Variants in KCNH7 observed in about 807,000 individuals in gnomAD.
The protein encoded by KCNH7 is voltage-gated inwardly rectifying potassium channel KCNH7.
In KCNH7, 49 loss-of-function variants were observed where a neutral mutation model predicts 120.8. That is an observed-to-expected ratio of 0.41 (90% CI 0.32 to 0.51). The LOEUF (loss-of-function observed/expected upper bound fraction) is 0.51. Among genes scored for constraint, KCNH7 ranks in the 20% least tolerant of loss-of-function variants. The pLI is 0.38. For missense variants in KCNH7, 1,097 were observed against 1,446.6 expected (o/e 0.76, Z 3.92); for synonymous variants, 547 against 516.1 (o/e 1.06, Z -0.81).
At chr2:162,647,616 G>A (rs1242782545) in intron 2 of KCNH7, among the ~76,000 whole-genome samples, 2 of 152,060 alleles carry the variant, frequency 1.3e-5, no homozygotes, top group East Asian at 3.9e-4. Flanking sequence ...AGATCTCATG[G>A]TTTTATAAAT....
At position 162,684,985 on chromosome 2, in the gene KCNH7, C is replaced by T. The variant is rs544833775; in HGVS notation, c.308-147905G>A. 2.6e-3 allele frequency among the ~76,000 whole-genome samples: 401 copies of T among 151,950 alleles called. 3 individuals carry two copies. Among genetic ancestry groups the T allele is most frequent in the African/African-American group, 9.1e-3 (376 of 41,452 alleles). ...AGTGATAGACTGGATAAAGAAAATG[C>T]GGCATATATATACCATGGAATACTA... On this transcript the variant is annotated intron_variant, in intron 2 of 15. Transcript: ENST00000332142.
rs137957744 is a variant in KCNH7 at position 162,667,903 on chromosome 2, A to T, written c.308-130823T>A. On this transcript the variant is annotated intron_variant, in intron 2 of 15. Coordinates refer to ENST00000332142, the MANE Select transcript of KCNH7 (RefSeq NM_033272.4). ...ACATGATATGTTAAATGCTTAAAACAGTGAGTAGAATGTTGTATATATTCA... is the reference window on the plus strand; with the variant it reads ...ACATGATATGTTAAATGCTTAAAACTGTGAGTAGAATGTTGTATATATTCA... Among the ~76,000 whole-genome samples the T allele has an allele frequency of 9.8e-5, 15 of 152,346 alleles. No homozygotes were observed. In the East Asian group the frequency reaches 1.9e-3, roughly 20 times the overall value.
At chr2:162,816,682 C>T (rs1328325801) in intron 2 of KCNH7, among the ~76,000 whole-genome samples, 4 of 152,044 alleles carry the variant, frequency 2.6e-5, no homozygotes, top group East Asian at 1.9e-4. Flanking sequence ...AATATGCCAA[C>T]GTGTAACAAT....
intron 8 of KCNH7, among the ~76,000 whole-genome samples, chr2:162,433,281 A>G (rs1688130462): frequency 6.6e-6 from 1 of 152,004 alleles, no homozygotes; most frequent in Non-Finnish European, 1.5e-5. Flanking sequence ...AAAAACGATT[A>G]TGAAATTTAT....
intron 2 of KCNH7, among the ~76,000 whole-genome samples, chr2:162,816,923 A>G (rs1684934664): frequency 6.6e-6 from 1 of 152,186 alleles, no homozygotes; most frequent in South Asian, 2.1e-4. Context: ...AATATTAAAT[A>G]CAAGCCAATT....
chr2:162,394,540 G>GTACT (rs1030836259), intron 11 of KCNH7, 55 bp from the exon 12 acceptor site: 23 of 972,808 alleles, frequency 2.4e-5, no homozygotes, highest in Admixed American at 1.8e-4. Flanking sequence ...AGAACACAAT[G>GTACT]TACTATTCAG....
At chr2:162,443,767 A>G (rs1430354826) in intron 7 of KCNH7, among the ~76,000 whole-genome samples, 1 of 151,964 alleles carries the variant, frequency 6.6e-6, no homozygotes, top group African/African-American at 2.4e-5. Flanking sequence ...TGTTCCAAAG[A>G]CTCCATTGCA....
intron 9 of KCNH7, among the ~76,000 whole-genome samples, chr2:162,405,544 T>G (rs959496567): frequency 6.6e-6 from 1 of 151,948 alleles, no homozygotes; most frequent in Non-Finnish European, 1.5e-5. Flanking sequence ...TTCTCTAAAA[T>G]GTATATGTGC....
chr2:162,569,437 T>C (rs1381727918), intron 2 of KCNH7, among the ~76,000 whole-genome samples: 4 of 143,894 alleles, frequency 2.8e-5, no homozygotes, highest in East Asian at 4.1e-4. Flanking sequence ...TTTATTAGTC[T>C]TGCTAGCGGT....
In KCNH7 at chr2:162,581,486, C is replaced by T. The variant is rs144439578; in HGVS notation, c.308-44406G>A. ...GTTACCAAGGTATTTGGGGCACATT[C>T]GTTTGGAGGTGAGAGCTTATTACCT... On this transcript the variant is annotated intron_variant, in intron 2 of 15. Coordinates refer to ENST00000332142, the MANE Select transcript of KCNH7 (RefSeq NM_033272.4). Among the ~76,000 whole-genome samples, 640 of 152,090 alleles carry T rather than the reference C, an allele frequency of 4.2e-3. 6 individuals are homozygous for T. The highest frequency in any genetic ancestry group is 0.015 in the African/African-American group (612 of 41,516).
intron 2 of KCNH7, among the ~76,000 whole-genome samples, chr2:162,747,597 C>T (rs1288847036): frequency 6.6e-6 from 1 of 152,038 alleles, no homozygotes; most frequent in Non-Finnish European, 1.5e-5. Context: ...ATATTCCACC[C>T]AATAGTCTAG....
chr2:162,828,371 G>C (rs569236306), intron 2 of KCNH7, among the ~76,000 whole-genome samples: 1 of 152,130 alleles, frequency 6.6e-6, no homozygotes, highest in East Asian at 1.9e-4. Flanking sequence ...ATCATCTTAA[G>C]TCATTGATAC....
At chr2:162,376,803 G>A (rs1308560612) in intron 14 of KCNH7, among the ~76,000 whole-genome samples, 1 of 152,174 alleles carries the variant, frequency 6.6e-6, no homozygotes, top group Non-Finnish European at 1.5e-5. Context: ...TGAAATGTGA[G>A]AAGCACTGGT....
chr2:162,541,813 C>A (rs1266793525), intron 2 of KCNH7, among the ~76,000 whole-genome samples: 1 of 152,070 alleles, frequency 6.6e-6, no homozygotes, highest in Non-Finnish European at 1.5e-5. Flanking sequence ...GTGTAACAAA[C>A]CTGCACATTC....
chr2:162,517,712 A>C lies in KCNH7; in HGVS notation c.892+18T>G, dbSNP rs760446285. On this transcript the variant is annotated intron_variant, in intron 4 of 15. Coordinates refer to ENST00000332142, the MANE Select transcript of KCNH7 (RefSeq NM_033272.4). ...ACCCATTAATATATGTTTCCATTTAAAAAAAAATCAAACATACCTTCGCTG... is the reference window on the plus strand; with the variant it reads ...ACCCATTAATATATGTTTCCATTTACAAAAAAATCAAACATACCTTCGCTG... The C allele has an allele frequency of 6.5e-7, 1 of 1,534,380 alleles. No homozygotes were observed. The highest frequency in any genetic ancestry group is 1.3e-5 in the South Asian group (1 of 79,942).
chr2:162,536,428 T>C (rs896582976), intron 3 of KCNH7, among the ~76,000 whole-genome samples: 1 of 151,968 alleles, frequency 6.6e-6, no homozygotes, highest in African/African-American at 2.4e-5. Context: ...AAACGGATTC[T>C]GACACGCTTT....
intron 6 of KCNH7, among the ~76,000 whole-genome samples, chr2:162,498,745 C>T (rs1690581388): frequency 6.6e-6 from 1 of 152,002 alleles, no homozygotes; most frequent in South Asian, 2.1e-4. Context: ...GAAAGAAGGT[C>T]CTTCTCCCCA....
At chr2:162,614,322 C>A (rs77090169) in intron 2 of KCNH7, among the ~76,000 whole-genome samples, 8,825 of 151,958 alleles carry the variant, frequency 0.058, 294 homozygotes, top group Non-Finnish European at 0.073. Context: ...AGATAACTAA[C>A]CATTGAGAGA....
At chr2:162,608,713 C>T (rs1682863917) in intron 2 of KCNH7, among the ~76,000 whole-genome samples, 1 of 152,138 alleles carries the variant, frequency 6.6e-6, no homozygotes, top group South Asian at 2.1e-4. Context: ...TCATCCTATC[C>T]TCTCCACATG....
Sources: allele counts gnomAD v4.1 joint callset (sites outside exome capture counted in the v4.1 genomes callset), GRCh38; gene constraint gnomAD v4.1.1; transcripts MANE v1.5; gene names NCBI Gene and HGNC (gene_info 2026-07-23, HGNC 2026-07-21).